Variants in PTP4A3 observed in about 807,000 individuals in gnomAD.
PTP4A3 encodes the protein protein tyrosine phosphatase 4A3, also known as protein tyrosine phosphatase type IVA 3.
PTP4A3 carries 9 observed loss-of-function variants against 15.2 expected under a neutral mutation model. That is an observed-to-expected ratio of 0.59 (90% CI 0.36 to 1.03). The LOEUF (loss-of-function observed/expected upper bound fraction) is 1.03, where lower values mean the gene tolerates loss of function less well. PTP4A3 is among the 50% of genes least tolerant of loss of function. The pLI, the probability that PTP4A3 is intolerant of heterozygous loss-of-function variation, is 0.02. For synonymous variants in PTP4A3, 95 were observed against 102.0 expected (o/e 0.93, Z 0.41); for missense variants, 234 against 252.1 (o/e 0.93, Z 0.49).
At chr8:141,415,203 G>A (rs117706192) in intron 1 of PTP4A3, among the ~76,000 whole-genome samples, 4,799 of 152,148 alleles carry the variant, frequency 0.032, 112 homozygotes, top group Non-Finnish European at 0.046. Context: ...TGGTGGGGAT[G>A]CAGTGAGGCT....
chr8:141,395,004 G>T (rs1477119432), intron 1 of PTP4A3, among the ~76,000 whole-genome samples: 1 of 152,252 alleles, frequency 6.6e-6, no homozygotes, highest in East Asian at 1.9e-4. Context: ...CCTCCCCAAG[G>T]TGGGACGGGG....
At chr8:141,419,335 T>C (rs1026855997) in intron 1 of PTP4A3, among the ~76,000 whole-genome samples, 1 of 152,184 alleles carries the variant, frequency 6.6e-6, no homozygotes, top group African/African-American at 2.4e-5. Flanking sequence ...TCTCTGGTGC[T>C]TTTCTTCCTT....
At chr8:141,421,119 C>T (rs1237312503) in intron 1 of PTP4A3, among the ~76,000 whole-genome samples, 3 of 152,202 alleles carry the variant, frequency 2.0e-5, no homozygotes, top group Admixed American at 2.0e-4. Context: ...AAATCCCTGT[C>T]CCCTCTGTCC....
intron 5 of PTP4A3, among the ~76,000 whole-genome samples, chr8:141,428,678 T>C (rs1012933849): frequency 5.9e-5 from 9 of 152,126 alleles, no homozygotes; most frequent in Non-Finnish European, 1.0e-4. Flanking sequence ...GAGCGTGGCC[T>C]GCAGGTGCTC....
chr8:141,397,325 G>A (rs1331775703), intron 1 of PTP4A3, among the ~76,000 whole-genome samples: 1 of 152,218 alleles, frequency 6.6e-6, no homozygotes, highest in African/African-American at 2.4e-5. Flanking sequence ...TCCAGGCAGT[G>A]GGGGGCTCTC....
At chr8:141,421,120 C>T (rs1833308210) in intron 1 of PTP4A3, among the ~76,000 whole-genome samples, 2 of 152,194 alleles carry the variant, frequency 1.3e-5, no homozygotes, top group African/African-American at 4.8e-5. Flanking sequence ...AATCCCTGTC[C>T]CCTCTGTCCT....
chr8:141,426,802 C>T lies in PTP4A3; in HGVS notation c.199-137C>T, dbSNP rs1049992044. 2.2e-5 allele frequency: 32 copies of T among 1,435,376 alleles called. No homozygotes were observed. The South Asian group carries it at 3.0e-4, about 13-fold the overall frequency. 88.9% of individuals were successfully genotyped at this position (1,435,376 alleles called of 1,614,324 possible). A position where few individuals can be genotyped will look rare whatever the true frequency, so the allele number is the denominator to read the frequency against. Reference sequence around the variant, plus strand: ...GCAAGCTGTGCCCCTCCTGTGTGCCCTCTGGGTCTGCTGCCCCCACCCTAG... The same window carrying T: ...GCAAGCTGTGCCCCTCCTGTGTGCCTTCTGGGTCTGCTGCCCCCACCCTAG... On this transcript the variant is annotated intron_variant, in intron 3 of 5. Coordinates refer to ENST00000521578, the MANE Select transcript of PTP4A3 (RefSeq NM_032611.3).
At chr8:141,405,607 C>G (rs1159985688) in intron 1 of PTP4A3, among the ~76,000 whole-genome samples, 1 of 152,234 alleles carries the variant, frequency 6.6e-6, no homozygotes, top group East Asian at 1.9e-4. Context: ...GTTCACACAT[C>G]CACTGAGCCA....
chr8:141,393,560 C>T (rs989555322), intron 1 of PTP4A3, among the ~76,000 whole-genome samples: 3 of 152,204 alleles, frequency 2.0e-5, no homozygotes, highest in Non-Finnish European at 4.4e-5. Context: ...GGGCAGGTTG[C>T]GGACAGGCCC....
At chr8:141,411,369 C>T (rs1586546746) in intron 1 of PTP4A3, among the ~76,000 whole-genome samples, 1 of 152,344 alleles carries the variant, frequency 6.6e-6, no homozygotes, top group South Asian at 2.1e-4. Flanking sequence ...ACTGGTCCCC[C>T]CAGTAGGATC....
chr8:141,426,500 GC>G (rs1833583454), intron 3 of PTP4A3: 1 of 985,318 alleles, frequency 1.0e-6, no homozygotes, highest in Non-Finnish European at 1.2e-6. Context: ...TGTGGCATGT[GC>G]CAGCCATCTT....
intron 5 of PTP4A3, among the ~76,000 whole-genome samples, chr8:141,428,522 C>T (rs377600407): frequency 1.5e-3 from 224 of 152,332 alleles, no homozygotes; most frequent in African/African-American, 4.9e-3. Flanking sequence ...TGGTACTCCT[C>T]GGACAGGCTT....
intron 1 of PTP4A3, 178 bp downstream of exon 1, chr8:141,392,262 G>C (rs1172999334): frequency 6.6e-6 from 1 of 151,858 alleles, no homozygotes; most frequent in Non-Finnish European, 1.5e-5. Flanking sequence ...CCTGGCGGCC[G>C]ATCCGGCGGG....
At chr8:141,415,790 T>C (rs1246372358) in intron 1 of PTP4A3, among the ~76,000 whole-genome samples, 1 of 99,486 alleles carries the variant, frequency 1.0e-5, no homozygotes, top group Admixed American at 1.1e-4. Context: ...GGAGAGGGGA[T>C]GGGATGGCAT....
intron 1 of PTP4A3, among the ~76,000 whole-genome samples, chr8:141,411,487 G>T (rs1832866866): frequency 6.6e-6 from 1 of 152,344 alleles, no homozygotes; most frequent in Admixed American, 6.5e-5. Context: ...GGCTCTGGGG[G>T]TGCCAGGCTG....
chr8:141,430,495 G>A (rs1833817634), intron 5 of PTP4A3, among the ~76,000 whole-genome samples: 1 of 152,192 alleles, frequency 6.6e-6, no homozygotes, highest in South Asian at 2.1e-4. Flanking sequence ...TGAGCATGCA[G>A]CCCAGGTCCC....
chr8:141,400,329 TTA>T (rs1338989263), intron 1 of PTP4A3, among the ~76,000 whole-genome samples: 1 of 152,236 alleles, frequency 6.6e-6, no homozygotes, highest in Non-Finnish European at 1.5e-5. Flanking sequence ...GGTTATTGTT[TTA>T]GACACACATT....
At chr8:141,418,137 G>A (rs1365927792) in intron 1 of PTP4A3, among the ~76,000 whole-genome samples, 1 of 151,926 alleles carries the variant, frequency 6.6e-6, no homozygotes, top group Non-Finnish European at 1.5e-5. Context: ...CCAGGGAGGG[G>A]GCCGCGCCCC....
intron 1 of PTP4A3, among the ~76,000 whole-genome samples, chr8:141,417,125 G>C (rs1183220396): frequency 6.6e-6 from 1 of 152,174 alleles, no homozygotes; most frequent in African/African-American, 2.4e-5. Context: ...GGAGTCGCAG[G>C]GAGGCGTTTG....
Sources: allele counts gnomAD v4.1 joint callset (sites outside exome capture counted in the v4.1 genomes callset), GRCh38; gene constraint gnomAD v4.1.1; transcripts MANE v1.5; gene names NCBI Gene and HGNC (gene_info 2026-07-23, HGNC 2026-07-21).